Variants in TMEM200A observed in about 807,000 individuals in gnomAD.
TMEM200A encodes transmembrane protein 200A, also known as two transmembrane C.
In TMEM200A, 12 loss-of-function variants were observed where a neutral mutation model predicts 24.3. That is an observed-to-expected ratio of 0.49 (90% CI 0.32 to 0.80). TMEM200A has a LOEUF of 0.80. Among genes scored for constraint, TMEM200A ranks in the 30% least tolerant of loss-of-function variants. The pLI is 0.04. For missense variants in TMEM200A, 545 were observed against 614.4 expected, an observed-to-expected ratio of 0.89 and a Z score of 1.19; for synonymous variants, 224 against 224.4, an observed-to-expected ratio of 1.00 and a Z score of 0.02.
chr6:130,402,960 A>T (rs1041785833), intron 2 of TMEM200A, among the ~76,000 whole-genome samples: 6 of 152,064 alleles, frequency 3.9e-5, no homozygotes, highest in African/African-American at 1.4e-4. Flanking sequence ...ATGCCCCCAT[A>T]TCACTTTTAA....
chr6:130,413,351 C>T (rs1179774337), intron 2 of TMEM200A, among the ~76,000 whole-genome samples: 1 of 152,120 alleles, frequency 6.6e-6, no homozygotes, highest in Non-Finnish European at 1.5e-5. Context: ...CTTCATGCAC[C>T]TGTAGCCAGT....
chr6:130,394,129 G>T (rs1196598578), intron 2 of TMEM200A, among the ~76,000 whole-genome samples: 2 of 152,132 alleles, frequency 1.3e-5, no homozygotes, highest in African/African-American at 4.8e-5. Context: ...GTCAGTATTT[G>T]TCCATTTCTC....
chr6:130,407,300 G>T (rs1248063714), intron 2 of TMEM200A, among the ~76,000 whole-genome samples: 1 of 152,154 alleles, frequency 6.6e-6, no homozygotes, highest in Non-Finnish European at 1.5e-5. Context: ...TTAGGGATTT[G>T]GTTCATCTTG....
intron 1 of TMEM200A, among the ~76,000 whole-genome samples, chr6:130,373,663 T>G (rs71572921): frequency 0.037 from 5,613 of 152,306 alleles, 174 homozygotes; most frequent in Middle Eastern, 0.14. Flanking sequence ...CAGAATCTGT[T>G]TTTTGTGCAT....
chr6:130,370,305 G>A (rs1426609642), intron 1 of TMEM200A, among the ~76,000 whole-genome samples: 1 of 152,108 alleles, frequency 6.6e-6, no homozygotes, highest in Non-Finnish European at 1.5e-5. Context: ...CTGCTCAGTG[G>A]TAATTGAATT....
chr6:130,428,955 T>C (rs1779810653), intron 2 of TMEM200A, among the ~76,000 whole-genome samples: 2 of 152,114 alleles, frequency 1.3e-5, no homozygotes, highest in African/African-American at 4.8e-5. Context: ...ACCAATTGTA[T>C]TGTATACCAA....
Position 130,441,101 on chromosome 6 carries a change from G to A in TMEM200A, c.679G>A (p.Glu227Lys). The A allele has an allele frequency of 6.2e-7, 1 of 1,614,034 alleles. No individual in the cohort carries two copies. The highest frequency in any genetic ancestry group is 8.5e-7 in the Non-Finnish European group (1 of 1,180,002). ...CAGTTTTCGAATGGACAGCTCCGTG[G>A]AGGAGGATGAACTTATGTTAAATGA... ...RSSFRMDSSV[E>K]EDELMLNEGK... Residue 227 changes from glutamate to lysine, a missense_variant, in exon 3 of 3, where the codon GAG becomes AAG. By Grantham distance (56) the Glu-to-Lys change is moderately conservative. Transcript: ENST00000296978.
chr6:130,428,062 T>C (rs1284149862), intron 2 of TMEM200A, among the ~76,000 whole-genome samples: 2 of 152,168 alleles, frequency 1.3e-5, no homozygotes, highest in African/African-American at 4.8e-5. Flanking sequence ...CTGTTATTGT[T>C]ATCTTAGGCG....
At chr6:130,426,773 G>C (rs1332417365) in intron 2 of TMEM200A, among the ~76,000 whole-genome samples, 3 of 152,176 alleles carry the variant, frequency 2.0e-5, no homozygotes, top group Non-Finnish European at 4.4e-5. Flanking sequence ...AAAGTTCATC[G>C]ATGCTGATTA....
At chr6:130,378,201 T>A (rs1289821530) in intron 1 of TMEM200A, among the ~76,000 whole-genome samples, 1 of 152,142 alleles carries the variant, frequency 6.6e-6, no homozygotes, top group Non-Finnish European at 1.5e-5. Context: ...CTAACCTTTA[T>A]CAATATCACT....
chr6:130,441,484 G>T lies in TMEM200A; in HGVS notation c.1062G>T (p.Ser354=). The T allele has an allele frequency of 2.5e-6, 4 of 1,614,028 alleles. No homozygotes were observed. The highest frequency in any genetic ancestry group is 3.4e-6 in the Non-Finnish European group (4 of 1,179,980). Residue 354 remains serine, a synonymous_variant, in exon 3 of 3, where the codon TCG becomes TCT. Coordinates refer to ENST00000296978, the MANE Select transcript of TMEM200A (RefSeq NM_001258277.2). The part of the protein sequence containing the change: ...VLPRNNSIGE[S]LSSQYKSSMA... ...CAAGGAATAATTCCATTGGGGAGTCGTTGTCGAGTCAGTACAAGTCATCTA... is the reference window on the plus strand; with the variant it reads ...CAAGGAATAATTCCATTGGGGAGTCTTTGTCGAGTCAGTACAAGTCATCTA...
At chr6:130,376,754 C>T (rs1041261106) in intron 1 of TMEM200A, among the ~76,000 whole-genome samples, 4 of 152,060 alleles carry the variant, frequency 2.6e-5, no homozygotes, top group African/African-American at 9.7e-5. Context: ...TCATCGTCTT[C>T]CTCACATACA....
chr6:130,421,608 C>T (rs1008004104), intron 2 of TMEM200A, among the ~76,000 whole-genome samples: 76 of 151,764 alleles, frequency 5.0e-4, no homozygotes, highest in African/African-American at 1.8e-3. Context: ...GTATTTTTAA[C>T]TCTATGTAGT....
chr6:130,428,839 G>A (rs1197043944), intron 2 of TMEM200A, among the ~76,000 whole-genome samples: 2 of 152,148 alleles, frequency 1.3e-5, no homozygotes, highest in South Asian at 2.1e-4. Flanking sequence ...CAGCTAGCAA[G>A]TTTAATAATG....
At chr6:130,395,643 C>T (rs78630404) in intron 2 of TMEM200A, among the ~76,000 whole-genome samples, 3,410 of 152,158 alleles carry the variant, frequency 0.022, 58 homozygotes, top group South Asian at 0.041. Flanking sequence ...TGTTAAAGAA[C>T]GAAATTTCTG....
intron 2 of TMEM200A, among the ~76,000 whole-genome samples, chr6:130,411,394 G>A (rs1779327370): frequency 6.6e-6 from 1 of 152,036 alleles, no homozygotes; most frequent in African/African-American, 2.4e-5. Context: ...CTCACCTCCA[G>A]GTACCTTAGT....
At chr6:130,373,657 ATC>A (rs1297412233) in intron 1 of TMEM200A, among the ~76,000 whole-genome samples, 1 of 152,152 alleles carries the variant, frequency 6.6e-6, no homozygotes, top group African/African-American at 2.4e-5. Flanking sequence ...AAATTTCAGA[ATC>A]TGTTTTTTGT....
At chr6:130,406,637 TC>T (rs927953220) in intron 2 of TMEM200A, among the ~76,000 whole-genome samples, 4 of 152,186 alleles carry the variant, frequency 2.6e-5, no homozygotes, top group African/African-American at 9.7e-5. Context: ...ATAAATAATG[TC>T]CTGAATTGCA....
At chr6:130,400,857 C>T (rs1779068078) in intron 2 of TMEM200A, among the ~76,000 whole-genome samples, 1 of 152,018 alleles carries the variant, frequency 6.6e-6, no homozygotes, top group South Asian at 2.1e-4. Context: ...AGTCCAACCC[C>T]CTGCTTTGTG....
Sources: gnomAD v4.1 joint callset for allele counts (sites outside exome capture counted in the v4.1 genomes callset) on GRCh38, gnomAD v4.1.1 for gene constraint, MANE v1.5 for transcripts, NCBI Gene and HGNC (gene_info 2026-07-23, HGNC 2026-07-21) for gene names.